Variants in SENP1 observed in about 807,000 individuals in gnomAD.
SENP1 encodes the protein sentrin-specific protease 1.
Under a neutral mutation model 93.0 loss-of-function variants are expected in SENP1, and 21 were observed. The ratio of observed to expected loss-of-function variants is 0.23; its 90% CI spans 0.16 to 0.33. The LOEUF (loss-of-function observed/expected upper bound fraction) is 0.33. Among genes scored for constraint, SENP1 ranks in the 10% least tolerant of loss-of-function variants. The probability of loss-of-function intolerance (pLI) is 1.00; values close to 1 mark genes in which losing one functional copy is unlikely to be tolerated. For missense variants in SENP1, 591 were observed against 758.7 expected (o/e 0.78, Z 2.60); for synonymous variants, 256 against 259.6 (o/e 0.99, Z 0.13).
chr12:48,091,665 TTC>T (rs1945234190), intron 4 of SENP1, among the ~76,000 whole-genome samples: 1 of 152,136 alleles, frequency 6.6e-6, no homozygotes, highest in East Asian at 1.9e-4. Context: ...CATCCCACTT[TTC>T]TCTGTTTAGG....
chr12:48,085,903 G>A lies in SENP1; in HGVS notation c.381-2141C>T, dbSNP rs531609143. Among the ~76,000 whole-genome samples, 8 of 152,030 alleles carry A rather than the reference G, an allele frequency of 5.3e-5. No homozygotes were observed. The East Asian group carries it at 5.8e-4, about 11-fold the overall frequency. ...TGTATTTGTGTTTCCCAGAGTATGC[G>A]TGCGCCTATGCATGTTTTTTTTAAC... On this transcript the variant is annotated intron_variant, in intron 5 of 17. Coordinates refer to ENST00000549518, the MANE Select transcript of SENP1 (RefSeq NM_001267594.2).
At chr12:48,047,211 T>C (rs1941435763) in intron 15 of SENP1, 149 bp from the exon 16 acceptor site, 2 of 564,820 alleles carry the variant, frequency 3.5e-6, no homozygotes, top group Non-Finnish European at 6.2e-6. Context: ...AGGGAATCCC[T>C]GGATTGTTAA....
chr12:48,096,562 T>G (rs1292344819), intron 3 of SENP1, 135 bp from the exon 4 acceptor site: 4 of 579,196 alleles, frequency 6.9e-6, no homozygotes, highest in Non-Finnish European at 1.2e-5. Flanking sequence ...TTCAAGTGAT[T>G]CTCCTGCCTC....
At chr12:48,066,514 CTTT>C (rs1169603738) in intron 10 of SENP1, among the ~76,000 whole-genome samples, 3 of 140,974 alleles carry the variant, frequency 2.1e-5, no homozygotes, top group African/African-American at 2.6e-5. Context: ...ACAGGCACTT[CTTT>C]TTTTTTTTTT....
chr12:48,101,668 T>C (rs1945943458), intron 1 of SENP1, among the ~76,000 whole-genome samples, 152 bp from the exon 2 acceptor site: 1 of 152,028 alleles, frequency 6.6e-6, no homozygotes. Flanking sequence ...GGGAAAAGAG[T>C]AAAAACTAAA....
rs532352296 is a variant in SENP1 at position 48,057,525 on chromosome 12, C to A, written c.1407+6185G>T. On this transcript the variant is annotated intron_variant, in intron 13 of 17. Transcript: ENST00000549518. ...GATTACAGGTGTGAGCCACTGCGCC[C>A]GACCTGTATTATATATATTTTTATG... is the stretch of plus-strand genomic sequence containing the variant. Among the ~76,000 whole-genome samples, 4 of 145,414 alleles carry A rather than the reference C, an allele frequency of 2.8e-5. No individual in the cohort carries two copies. In the South Asian group the frequency reaches 8.7e-4, roughly 32 times the overall value.
rs573972063 is a variant in SENP1 at position 48,044,121 on chromosome 12, C to G, written c.*1201G>C. 4 of 151,822 alleles carry G rather than the reference C, an allele frequency of 2.6e-5. No homozygotes were observed. In the East Asian group the frequency reaches 7.7e-4, roughly 29 times the overall value. 9.4% of individuals were successfully genotyped at this position (151,822 alleles called of 1,614,324 possible). On this transcript the variant is annotated 3_prime_UTR_variant, in exon 18 of 18. Transcript: ENST00000549518. Reference sequence around the variant, plus strand: ...AATCTCAAGTTGATCAGTCCAAACTCCACCCGTTTTTTTTTTTAGCTGAAA... The same window carrying G: ...AATCTCAAGTTGATCAGTCCAAACTGCACCCGTTTTTTTTTTTAGCTGAAA...
At chr12:48,093,837 G>A (rs1248354027) in intron 4 of SENP1, among the ~76,000 whole-genome samples, 2 of 152,048 alleles carry the variant, frequency 1.3e-5, no homozygotes, top group Non-Finnish European at 2.9e-5. Context: ...ATGCTGGCAT[G>A]CACTGGTAGT....
At chr12:48,080,020 C>T (rs1372067257) in intron 6 of SENP1, 1 of 152,176 alleles carries the variant, frequency 6.6e-6, no homozygotes, top group African/African-American at 2.4e-5. Flanking sequence ...CAATAATTTG[C>T]AAAGAAGCGT....
Position 48,063,857 on chromosome 12 carries a change from G to A in SENP1, c.1276-16C>T. ...TCTCCATTTCCTAAGAAAACAAAAG[G>A]TGTCAAGACATCAAACACGCGTGGC... On this transcript the variant is annotated splice_polypyrimidine_tract_variant and intron_variant, in intron 12 of 17. Coordinates refer to ENST00000549518, the MANE Select transcript of SENP1 (RefSeq NM_001267594.2). 1 of 1,602,662 alleles carries A rather than the reference G, an allele frequency of 6.2e-7. No homozygotes were observed. The highest frequency in any genetic ancestry group is 1.3e-5 in the African/African-American group (1 of 74,898).
intron 13 of SENP1, among the ~76,000 whole-genome samples, chr12:48,049,983 ATTCT>A (rs1227590849): frequency 1.3e-5 from 2 of 152,274 alleles, no homozygotes; most frequent in African/African-American, 4.8e-5. Flanking sequence ...GAGATGTGTG[ATTCT>A]TTGTTAATGA....
chr12:48,077,692 C>A (rs1215725522), intron 6 of SENP1, among the ~76,000 whole-genome samples: 1 of 152,092 alleles, frequency 6.6e-6, no homozygotes, highest in East Asian at 1.9e-4. Flanking sequence ...ATTAACTCAT[C>A]ATTTACATTA....
At chr12:48,103,020 AG>A (rs1946062067) in intron 1 of SENP1, among the ~76,000 whole-genome samples, 2 of 152,194 alleles carry the variant, frequency 1.3e-5, no homozygotes, top group African/African-American at 4.8e-5. Context: ...TTAATAGAGT[AG>A]ACTCCCTTGG....
chr12:48,083,276 G>C (rs1366232227), intron 6 of SENP1, among the ~76,000 whole-genome samples: 1 of 152,076 alleles, frequency 6.6e-6, no homozygotes, highest in East Asian at 1.9e-4. Flanking sequence ...GGTTTAGGAA[G>C]GGTCTAGCAA....
At chr12:48,073,359 T>C (rs907225342) in intron 8 of SENP1, among the ~76,000 whole-genome samples, 5 of 151,348 alleles carry the variant, frequency 3.3e-5, no homozygotes, top group Admixed American at 1.3e-4. Context: ...TGTGTAGCTA[T>C]ACAATGATGC....
rs552011166 is a variant in SENP1, at chr12:48,088,588, T to A, written c.380+213A>T. On this transcript the variant is annotated intron_variant, in intron 5 of 17. Coordinates refer to ENST00000549518, the MANE Select transcript of SENP1 (RefSeq NM_001267594.2). ...ATATCCACCAAGATTTACTTAAAAT[T>A]CTCTCTTCTAGTAAGATCTGGCTAT... 324 of 520,238 alleles carry A rather than the reference T, an allele frequency of 6.2e-4. 2 individuals are homozygous for A. The highest frequency in any genetic ancestry group is 5.7e-3 in the African/African-American group (294 of 51,148). The allele number at this position is 520,238 out of a possible 1,614,324, so 32.2% of individuals were successfully genotyped here. A position where few individuals can be genotyped will look rare whatever the true frequency, so the allele number is the denominator to read the frequency against.
intron 3 of SENP1, among the ~76,000 whole-genome samples, chr12:48,097,344 G>A (rs973383157): frequency 6.6e-6 from 1 of 152,104 alleles, no homozygotes; most frequent in African/African-American, 2.4e-5. Flanking sequence ...GATGTTACAG[G>A]AATTTAGTGC....
Position 48,063,841 on chromosome 12 carries a change from C to T in SENP1, c.1276G>A (p.Glu426Lys). ...SEDEFPEITE[E>K]MEKEIKNVFR... ...ACATTCTTTATTTCTTTCTCCATTT[C>T]CTAAGAAAACAAAAGGTGTCAAGAC... Residue 426 changes from glutamate to lysine, a missense_variant and splice_region_variant, in exon 13 of 18, where the codon GAA becomes AAA. By Grantham distance (56) the Glu-to-Lys change is moderately conservative. Around this residue, in one of 4 missense-constraint regions of SENP1, gnomAD observed 238 missense variants for 259.1 expected, o/e 0.92. Coordinates refer to ENST00000549518, the MANE Select transcript of SENP1 (RefSeq NM_001267594.2). The T allele has an allele frequency of 6.2e-7, 1 of 1,607,394 alleles. No homozygotes were observed. The highest frequency in any genetic ancestry group is 8.5e-7 in the Non-Finnish European group (1 of 1,177,898).
chr12:48,070,516 C>T (rs1197288728), intron 9 of SENP1, among the ~76,000 whole-genome samples: 2 of 152,110 alleles, frequency 1.3e-5, no homozygotes, highest in Non-Finnish European at 2.9e-5. Context: ...AAGTAGAATG[C>T]AAGCTCCTTG....
Sources: gnomAD v4.1 joint callset for allele counts (sites outside exome capture counted in the v4.1 genomes callset) on GRCh38, gnomAD v4.1.1 for gene constraint, gnomAD v4.1.1 regional missense constraint, MANE v1.5 for transcripts, NCBI Gene and HGNC (gene_info 2026-07-23, HGNC 2026-07-21) for gene names.